The following KDM4B variants were observed in gnomAD, a reference collection of about 807,000 sequenced individuals.
The protein encoded by KDM4B is lysine demethylase 4B.
In KDM4B, 32 loss-of-function variants were observed where a neutral mutation model predicts 125.2. The observed-to-expected ratio is 0.26, with a 90% CI of 0.19 to 0.34. The LOEUF (loss-of-function observed/expected upper bound fraction) is 0.34, where lower values mean the gene tolerates loss of function less well. Among genes scored for constraint, KDM4B ranks in the 10% least tolerant of loss-of-function variants. The probability of loss-of-function intolerance (pLI) is 1.00; values close to 1 mark genes in which losing one functional copy is unlikely to be tolerated. For missense variants in KDM4B, 1,190 were observed against 1,577.7 expected (o/e 0.75, Z 4.16); for synonymous variants, 721 against 677.9 (o/e 1.06, Z -0.99).
chr19:5,007,166 A>T (rs1276539118), intron 1 of KDM4B, among the ~76,000 whole-genome samples: 2 of 152,192 alleles, frequency 1.3e-5, no homozygotes, highest in Non-Finnish European at 2.9e-5. Context: ...GAGTTGGGGA[A>T]CGTAGCAAAG....
At chr19:4,996,806 C>CA (rs1568214753) in intron 1 of KDM4B, among the ~76,000 whole-genome samples, 1 of 151,960 alleles carries the variant, frequency 6.6e-6, no homozygotes, top group African/African-American at 2.4e-5. Context: ...GACTTAAAAA[C>CA]AAAAAAACAA....
chr19:4,980,019 C>T (rs1450168427), intron 1 of KDM4B, among the ~76,000 whole-genome samples: 3 of 152,044 alleles, frequency 2.0e-5, no homozygotes, highest in Admixed American at 1.3e-4. Context: ...GCATGAGAAT[C>T]GCTTGAACCC....
At chr19:5,013,390 G>A (rs1195503589) in intron 1 of KDM4B, among the ~76,000 whole-genome samples, 2 of 152,150 alleles carry the variant, frequency 1.3e-5, no homozygotes, top group African/African-American at 4.8e-5. Flanking sequence ...GCTGAAGTCA[G>A]GGAGGTACCC....
At chr19:5,028,276 A>C (rs1427275571) in intron 2 of KDM4B, among the ~76,000 whole-genome samples, 1 of 152,164 alleles carries the variant, frequency 6.6e-6, no homozygotes, top group Non-Finnish European at 1.5e-5. Flanking sequence ...TGCACTGGCC[A>C]CAGTCAGTGG....
intron 2 of KDM4B, among the ~76,000 whole-genome samples, chr19:5,029,320 G>A (rs1179227095): frequency 6.6e-6 from 1 of 152,222 alleles, no homozygotes; most frequent in Non-Finnish European, 1.5e-5. Flanking sequence ...AGCTCCTCTG[G>A]CTCTTCCAGG....
intron 21 of KDM4B, among the ~76,000 whole-genome samples, chr19:5,146,030 C>T (rs2039835829): frequency 6.6e-6 from 1 of 152,132 alleles, no homozygotes; most frequent in African/African-American, 2.4e-5. Flanking sequence ...CCCAGGACCA[C>T]CCCTACCCCC....
intron 2 of KDM4B, among the ~76,000 whole-genome samples, chr19:5,022,404 C>G (rs771620112): frequency 5.3e-5 from 8 of 152,170 alleles, no homozygotes; most frequent in Non-Finnish European, 1.0e-4. Context: ...TGGCTCACAT[C>G]TCGTGGCTTC....
At chr19:5,076,032 C>T (rs2042567750) in intron 7 of KDM4B, 1 of 177,946 alleles carries the variant, frequency 5.6e-6, no homozygotes. Context: ...GAGAGGAGAG[C>T]GGCCACACTG....
At chr19:5,023,400 G>A (rs76477922) in intron 2 of KDM4B, among the ~76,000 whole-genome samples, 1 of 152,232 alleles carries the variant, frequency 6.6e-6, no homozygotes, top group Non-Finnish European at 1.5e-5. Flanking sequence ...CCACATGCCC[G>A]GGGCTGGGGC....
intron 11 of KDM4B, among the ~76,000 whole-genome samples, chr19:5,124,578 A>G (rs1198347416): frequency 6.6e-6 from 1 of 152,154 alleles, no homozygotes; most frequent in Non-Finnish European, 1.5e-5. Flanking sequence ...ACTGGCTAGC[A>G]AAGGACTGTG....
chr19:5,137,808 G>T, intron 17 of KDM4B, 132 bp downstream of exon 17: 1 of 1,061,746 alleles, frequency 9.4e-7, no homozygotes, highest in Non-Finnish European at 1.4e-6. Context: ...TCATGGATGG[G>T]GTGGCCAGGG....
chr19:5,145,977 C>T (rs577362454), intron 21 of KDM4B, among the ~76,000 whole-genome samples: 10 of 152,370 alleles, frequency 6.6e-5, no homozygotes, highest in Non-Finnish European at 1.0e-4. Context: ...CCGCATCTCC[C>T]GCCAGACCTG....
At position 5,011,847 on chromosome 19, in the gene KDM4B, T is replaced by G. The variant is rs1440182633; in HGVS notation, c.-108-4410T>G. On this transcript the variant is annotated intron_variant, in intron 1 of 22. Coordinates refer to ENST00000159111, the MANE Select transcript of KDM4B (RefSeq NM_015015.3). ...GGGGGTTCTTGGGGGCCAAGTTCTGTGGTCCTCAGGCCTCTGTGCTGTGGT... is the reference window on the plus strand; with the variant it reads ...GGGGGTTCTTGGGGGCCAAGTTCTGGGGTCCTCAGGCCTCTGTGCTGTGGT... Among the ~76,000 whole-genome samples the G allele has an allele frequency of 2.0e-5, 3 of 152,198 alleles. No homozygotes were observed. The East Asian group carries it at 5.8e-4, about 29-fold the overall frequency.
At chr19:5,146,336 C>T (rs905977417) in intron 21 of KDM4B, among the ~76,000 whole-genome samples, 6 of 152,266 alleles carry the variant, frequency 3.9e-5, no homozygotes, top group African/African-American at 1.2e-4. Flanking sequence ...TGGCCCCACC[C>T]GGTCACCACT....
chr19:5,110,287 A>T (rs2039114641), intron 9 of KDM4B, among the ~76,000 whole-genome samples: 1 of 152,220 alleles, frequency 6.6e-6, no homozygotes, highest in Non-Finnish European at 1.5e-5. Flanking sequence ...CCTGAGCAAC[A>T]TAGCGAGACC....
At chr19:5,089,470 G>A (rs2145906493) in intron 9 of KDM4B, among the ~76,000 whole-genome samples, 1 of 152,274 alleles carries the variant, frequency 6.6e-6, no homozygotes, top group Non-Finnish European at 1.5e-5. Flanking sequence ...TGCTCCATGA[G>A]GTTTGCTCTG....
intron 1 of KDM4B, among the ~76,000 whole-genome samples, chr19:5,008,388 G>C (rs6510833): frequency 1.3e-5 from 2 of 152,010 alleles, no homozygotes; most frequent in Non-Finnish European, 1.5e-5. Context: ...ACTTATGCCA[G>C]TACCATGCTG....
In KDM4B at chr19:5,131,285, G is replaced by T. The variant is rs369102677; in HGVS notation, c.1525G>T (p.Val509Leu). The change falls in exon 12 of 23, where the codon GTG becomes TTG. Residue 509 changes from valine (V) to leucine (L), a missense_variant. Transcript: ENST00000159111. ...CCCCCTGCCGGCACCCCTTAATGTC[G>T]TGCCCCCTGAGGTGCCCAGTGAGGA... ...ESPLPAPLNV[V>L]PPEVPSEELE... The T allele has an allele frequency of 6.2e-7, 1 of 1,611,812 alleles. No individual in the cohort carries two copies. Among genetic ancestry groups the T allele is most frequent in the Non-Finnish European group, 8.5e-7 (1 of 1,179,596 alleles).
chr19:5,012,006 G>A (rs563291823), intron 1 of KDM4B, among the ~76,000 whole-genome samples: 202 of 152,360 alleles, frequency 1.3e-3, no homozygotes, highest in Non-Finnish European at 2.4e-3. Flanking sequence ...GGCAGTGGCT[G>A]TTACGTAATC....
Sources: allele counts gnomAD v4.1 joint callset (sites outside exome capture counted in the v4.1 genomes callset), GRCh38; gene constraint gnomAD v4.1.1; transcripts MANE v1.5; gene names NCBI Gene and HGNC (gene_info 2026-07-23, HGNC 2026-07-21).